NTM: variants seen among roughly 807,000 people sequenced by gnomAD.
NTM encodes neurotrimin, also known as IgLON family member 2.
Under a neutral mutation model 42.1 loss-of-function variants are expected in NTM, and 13 were observed. The ratio of observed to expected loss-of-function variants is 0.31; its 90% CI spans 0.20 to 0.49. The LOEUF is 0.49. Ranked by LOEUF, NTM falls within the 20% of genes least tolerant of loss-of-function variation. The pLI is 0.99. For synonymous variants in NTM, 187 were observed against 179.2 expected, an observed-to-expected ratio of 1.04 and a Z score of -0.35; for missense variants, 373 against 452.8, an observed-to-expected ratio of 0.82 and a Z score of 1.60.
At chr11:131,392,921 C>T (rs1015060388) in intron 1 of NTM, among the ~76,000 whole-genome samples, 23 of 152,160 alleles carry the variant, frequency 1.5e-4, no homozygotes, top group Non-Finnish European at 2.8e-4. Flanking sequence ...GTGGATTGGG[C>T]TTCACCTGCT....
At chr11:132,020,228 A>G (rs2074123445) in intron 2 of NTM, among the ~76,000 whole-genome samples, 1 of 152,028 alleles carries the variant, frequency 6.6e-6, no homozygotes, top group Non-Finnish European at 1.5e-5. Flanking sequence ...TTCTTTATCC[A>G]ATCTACCACT....
intron 1 of NTM, among the ~76,000 whole-genome samples, chr11:131,624,432 G>T (rs1482932685): frequency 6.6e-6 from 1 of 152,028 alleles, no homozygotes; most frequent in African/African-American, 2.4e-5. Context: ...TATTAATTGT[G>T]GTCCTGCAGG....
Position 132,335,496 on chromosome 11 carries a change from C to A in NTM, c.*350C>A. On this transcript the variant is annotated 3_prime_UTR_variant, in exon 9 of 9. Transcript: ENST00000683400. The stretch of plus-strand genomic sequence containing the variant: ...TCAGCCTCTCTGCCCACAGAGTGCC[C>A]CCACGTGGAACATTCTGGAGCTGGC... 3.8e-6 allele frequency: 1 copy of A among 262,276 alleles called. No individual in the cohort carries two copies. The highest frequency in any genetic ancestry group is 4.2e-5 in the South Asian group (1 of 23,770). The allele number at this position is 262,276 out of a possible 1,614,324, so 16.2% of individuals were successfully genotyped here. A position where few individuals can be genotyped will look rare whatever the true frequency, so the allele number is the denominator to read the frequency against.
intron 1 of NTM, among the ~76,000 whole-genome samples, chr11:131,812,951 T>C (rs1485861217): frequency 6.6e-6 from 1 of 152,156 alleles, no homozygotes; most frequent in African/African-American, 2.4e-5. Flanking sequence ...TCCAGCTGGC[T>C]CAAAGGTGGA....
At chr11:131,428,023 ACT>A (rs1393685476) in intron 1 of NTM, among the ~76,000 whole-genome samples, 1 of 152,108 alleles carries the variant, frequency 6.6e-6, no homozygotes, top group African/African-American at 2.4e-5. Context: ...CACAAAGATG[ACT>A]CTGAAATTTA....
chr11:132,075,573 G>T (rs2058259203), intron 2 of NTM, among the ~76,000 whole-genome samples: 1 of 152,038 alleles, frequency 6.6e-6, no homozygotes, highest in Non-Finnish European at 1.5e-5. Context: ...ATGATCTCAG[G>T]TTCATACACA....
intron 2 of NTM, among the ~76,000 whole-genome samples, chr11:132,014,836 A>G (rs975778876): frequency 2.8e-5 from 4 of 143,924 alleles, no homozygotes; most frequent in African/African-American, 1.0e-4. Context: ...CTCCCATTCC[A>G]CAGGTGTCTC....
intron 1 of NTM, among the ~76,000 whole-genome samples, chr11:131,695,831 T>A (rs535779768): frequency 6.6e-6 from 1 of 152,254 alleles, no homozygotes; most frequent in African/African-American, 2.4e-5. Flanking sequence ...GGAAAGAGGC[T>A]CAGAGAGGCA....
chr11:131,815,037 G>A (rs2092893986), intron 1 of NTM, among the ~76,000 whole-genome samples: 1 of 152,080 alleles, frequency 6.6e-6, no homozygotes, highest in East Asian at 1.9e-4. Context: ...TGAGCAATCC[G>A]AGATTTTTAA....
chr11:131,411,312 G>A (rs993161187), intron 1 of NTM, among the ~76,000 whole-genome samples: 5 of 152,118 alleles, frequency 3.3e-5, no homozygotes, highest in African/African-American at 7.2e-5. Flanking sequence ...CACGGAGAAT[G>A]ACTTACCCTT....
At chr11:131,706,648 A>G (rs2076619473) in intron 1 of NTM, among the ~76,000 whole-genome samples, 1 of 152,076 alleles carries the variant, frequency 6.6e-6, no homozygotes, top group Non-Finnish European at 1.5e-5. Context: ...TATAACCATA[A>G]TGGTATGAAA....
intron 2 of NTM, among the ~76,000 whole-genome samples, chr11:132,119,572 G>A (rs777647078): frequency 4.6e-5 from 7 of 152,248 alleles, no homozygotes; most frequent in East Asian, 1.9e-4. Context: ...CAATCAGGAC[G>A]GGAAGCAGCT....
chr11:131,466,973 AT>A (rs1951959917), intron 1 of NTM, among the ~76,000 whole-genome samples: 1 of 152,226 alleles, frequency 6.6e-6, no homozygotes. Context: ...GTGTGCACAC[AT>A]GTGCATACAC....
At chr11:131,877,345 T>G (rs2048691943) in intron 1 of NTM, among the ~76,000 whole-genome samples, 1 of 152,176 alleles carries the variant, frequency 6.6e-6, no homozygotes, top group African/African-American at 2.4e-5. Context: ...GGCCTCTTGT[T>G]TAAGTTGGTT....
rs1167791654 is a variant in NTM, at chr11:132,002,797, C to T, written c.167+91149C>T. Reference sequence around the variant, plus strand: ...ACTCATTGGGAAAAGTGGAGGAAATCATAGTAACGATTTATTAAAGTTGAA... The same window carrying T: ...ACTCATTGGGAAAAGTGGAGGAAATTATAGTAACGATTTATTAAAGTTGAA... On this transcript the variant is annotated intron_variant, in intron 2 of 8. Transcript: ENST00000683400. This position sits in a 1 kb window ranked among gnomAD's most constrained non-coding sequence, Gnocchi z 4.5. 6.6e-6 allele frequency among the ~76,000 whole-genome samples: 1 copy of T among 152,074 alleles called. No homozygotes were observed. Among genetic ancestry groups the T allele is most frequent in the East Asian group, 1.9e-4 (1 of 5,186 alleles).
intron 1 of NTM, among the ~76,000 whole-genome samples, chr11:131,374,451 T>C (rs1040377665): frequency 1.3e-5 from 2 of 152,184 alleles, no homozygotes; most frequent in Non-Finnish European, 2.9e-5. Flanking sequence ...CCTTTTTTGG[T>C]TCCCTTAAAG....
chr11:132,245,410 G>A (rs1353169122), intron 4 of NTM, among the ~76,000 whole-genome samples: 1 of 152,150 alleles, frequency 6.6e-6, no homozygotes, highest in East Asian at 1.9e-4. Flanking sequence ...AGGTGAGGAG[G>A]GAGGGGATTG....
intron 1 of NTM, chr11:131,660,972 T>A: frequency 1.5e-6 from 2 of 1,304,224 alleles, no homozygotes; most frequent in Non-Finnish European, 2.0e-6. Context: ...CAAAGTTGGA[T>A]GTTTTTAAAG....
intron 3 of NTM, among the ~76,000 whole-genome samples, chr11:132,177,556 A>G (rs1204068249): frequency 2.0e-5 from 3 of 152,230 alleles, no homozygotes; most frequent in Non-Finnish European, 4.4e-5. Flanking sequence ...TCCATAACAA[A>G]TCAGATGAAA....
Sources: gnomAD v4.1 joint callset for allele counts (sites outside exome capture counted in the v4.1 genomes callset) on GRCh38, gnomAD v4.1.1 for gene constraint, Gnocchi (gnomAD v3.1) non-coding constraint, MANE v1.5 for transcripts, NCBI Gene and HGNC (gene_info 2026-07-23, HGNC 2026-07-21) for gene names.